The following NUP155 variants were observed in gnomAD, a reference collection of about 807,000 sequenced individuals.
NUP155 encodes nucleoporin 155.
NUP155 carries 71 observed loss-of-function variants against 180.4 expected under a neutral mutation model. The observed-to-expected ratio is 0.39, with a 90% CI of 0.33 to 0.48. The LOEUF is 0.48. Among genes scored for constraint, NUP155 ranks in the 20% least tolerant of loss-of-function variants. The pLI is 0.91. For synonymous variants in NUP155, 582 were observed against 559.5 expected, an observed-to-expected ratio of 1.04 and a Z score of -0.57; for missense variants, 1,553 against 1,648.9, an observed-to-expected ratio of 0.94 and a Z score of 1.01.
chr5:37,307,092 G>C (rs1383425704), intron 25 of NUP155, among the ~76,000 whole-genome samples: 1 of 151,524 alleles, frequency 6.6e-6, no homozygotes, highest in Non-Finnish European at 1.5e-5. Context: ...CAGCTACATG[G>C]GAGGCTGAGG....
At chr5:37,368,625 A>G (rs1235630362) in intron 1 of NUP155, among the ~76,000 whole-genome samples, 1 of 151,896 alleles carries the variant, frequency 6.6e-6, no homozygotes, top group Non-Finnish European at 1.5e-5. Context: ...ATCAAGACCA[A>G]CCTGGCCAAC....
In NUP155 at chr5:37,351,372, T is replaced by A. The variant is rs1746445699; in HGVS notation, c.557-16A>T. On this transcript the variant is annotated splice_polypyrimidine_tract_variant and intron_variant, in intron 5 of 34. Transcript: ENST00000231498. The stretch of plus-strand genomic sequence containing the variant: ...ACTCCAGAACCTATTTAAGAAAGAA[T>A]ACATAAATCAGTTTATTAGCTACTC... 1.3e-6 allele frequency: 2 copies of A among 1,590,230 alleles called. No individual in the cohort carries two copies. Among genetic ancestry groups the A allele is most frequent in the Non-Finnish European group, 1.7e-6 (2 of 1,159,428 alleles).
chr5:37,329,427 A>G lies in NUP155; in HGVS notation c.1725-149T>C, dbSNP rs1581168237. 3.6e-5 allele frequency: 24 copies of G among 662,514 alleles called. 1 individual carries two copies. The South Asian group carries it at 4.2e-4, about 12-fold the overall frequency. 41.0% of individuals were successfully genotyped at this position (662,514 alleles called of 1,614,324 possible). A position where few individuals can be genotyped will look rare whatever the true frequency, so the allele number is the denominator to read the frequency against. On this transcript the variant is annotated intron_variant, in intron 15 of 34. Transcript: ENST00000231498. ...ATTGTGCTGACAGTAAAGTATATGC[A>G]TAAGACTTATAATAAATATTTATTC...
At chr5:37,356,509 T>G (rs1746841248) in intron 4 of NUP155, among the ~76,000 whole-genome samples, 1 of 149,722 alleles carries the variant, frequency 6.7e-6, no homozygotes, top group Non-Finnish European at 1.5e-5. Flanking sequence ...CGTGGTGACA[T>G]GCGTTTATAA....
chr5:37,352,651 A>T lies in NUP155; in HGVS notation c.556+86T>A, dbSNP rs970329799. The T allele has an allele frequency of 4.7e-6, 4 of 843,690 alleles. No individual in the cohort carries two copies. The African/African-American group carries it at 6.7e-5, about 14-fold the overall frequency. The allele number at this position is 843,690 out of a possible 1,614,324, so 52.3% of individuals were successfully genotyped here. A position where few individuals can be genotyped will look rare whatever the true frequency, so the allele number is the denominator to read the frequency against. On this transcript the variant is annotated intron_variant, in intron 5 of 34. Transcript: ENST00000231498. ...TTAATGTGAGTCAATGGAATTCAAC[A>T]TTTCACCCAGATTAGCTTTTAACTG...
Position 37,341,328 on chromosome 5 carries a change from G to T in NUP155, c.1094-86C>A, listed in dbSNP as rs1032335862. On this transcript the variant is annotated intron_variant, in intron 10 of 34. Coordinates refer to ENST00000231498, the MANE Select transcript of NUP155 (RefSeq NM_153485.3). ...TATTGAAGCAATTACATACAGCAAT[G>T]CAACACTCTGCTAAAACCATACATA... is the stretch of plus-strand genomic sequence containing the variant. 1.4e-5 allele frequency: 15 copies of T among 1,063,138 alleles called. 1 individual carries two copies. In the East Asian group the frequency reaches 3.2e-4, roughly 23 times the overall value. The allele number at this position is 1,063,138 out of a possible 1,614,324, so 65.9% of individuals were successfully genotyped here.
chr5:37,370,483 T>G (rs1747888886), intron 1 of NUP155, among the ~76,000 whole-genome samples: 1 of 152,162 alleles, frequency 6.6e-6, no homozygotes, highest in African/African-American at 2.4e-5. Flanking sequence ...ACAGGAGAAA[T>G]GAACAAATTT....
At chr5:37,337,201 T>C (rs1388666731) in intron 12 of NUP155, among the ~76,000 whole-genome samples, 1 of 152,176 alleles carries the variant, frequency 6.6e-6, no homozygotes, top group East Asian at 1.9e-4. Flanking sequence ...GAAGACCATA[T>C]CCACTTCATG....
intron 4 of NUP155, among the ~76,000 whole-genome samples, chr5:37,353,534 A>T (rs74687699): frequency 0.21 from 31,275 of 152,034 alleles, 3,609 homozygotes; most frequent in African/African-American, 0.31. Flanking sequence ...GTGAGCCGAG[A>T]TCACGCCATT....
chr5:37,320,770 A>G (rs186215146), intron 20 of NUP155, among the ~76,000 whole-genome samples: 65 of 152,366 alleles, frequency 4.3e-4, no homozygotes, highest in African/African-American at 1.4e-3. Flanking sequence ...AAAACCAAAC[A>G]AACTAAAAAC....
rs139544649 is a variant in NUP155 at position 37,312,606 on chromosome 5, T to C, written c.2436+1592A>G. ...TTAAGACAGATTTTGCTATCAAATA[T>C]TGACAGTTAATATTGGTAACTATCC... On this transcript the variant is annotated intron_variant, in intron 22 of 34. Transcript: ENST00000231498. Among the ~76,000 whole-genome samples the C allele has an allele frequency of 5.5e-3, 839 of 152,332 alleles. 8 individuals carry two copies. The highest frequency in any genetic ancestry group is 0.024 in the Middle Eastern group (7 of 294).
Position 37,292,088 on chromosome 5 carries a change from C to T in NUP155, c.4038-50G>A, listed in dbSNP as rs930639471. On this transcript the variant is annotated intron_variant, in intron 34 of 34. Transcript: ENST00000231498. ...AATTATACATTTACAAACATTTCCT[C>T]CTGCAGGACTTCTTCCCCACCAACT... 25 of 1,586,678 alleles carry T rather than the reference C, an allele frequency of 1.6e-5. No homozygotes were observed. The Middle Eastern group carries it at 6.6e-4, about 42-fold the overall frequency.
rs1316739192 is a variant in NUP155, at chr5:37,303,374, G to A, written c.3203C>T (p.Ala1068Val). Residue 1068 changes from alanine (A) to valine (V), a missense_variant, in exon 28 of 35, where the codon GCC (alanine) becomes GTC (valine). Ala to Val is a moderately conservative substitution (Grantham distance 64). Coordinates refer to ENST00000231498, the MANE Select transcript of NUP155 (RefSeq NM_153485.3). ...ACGAACTCTGTTTTGATCAACTTTGGCCATTCGGACTAGATGTGGCTCCAG... is the reference window on the plus strand; with the variant it reads ...ACGAACTCTGTTTTGATCAACTTTGACCATTCGGACTAGATGTGGCTCCAG... ...PFLEPHLVRM[A>V]KVDQNRVRYM... 6.2e-7 allele frequency: 1 copy of A among 1,614,052 alleles called. No individual in the cohort carries two copies.
At chr5:37,302,201 C>T (rs938580510) in intron 29 of NUP155, among the ~76,000 whole-genome samples, 8 of 152,152 alleles carry the variant, frequency 5.3e-5, no homozygotes, top group Non-Finnish European at 8.8e-5. Context: ...AATCCACTTG[C>T]TGTTGAAACA....
rs146473381 is a variant in NUP155, at chr5:37,298,948, G to A, written c.3713C>T (p.Ser1238Leu). 5.0e-5 allele frequency: 80 copies of A among 1,611,958 alleles called. No homozygotes were observed. Among genetic ancestry groups the A allele is most frequent in the South Asian group, 8.8e-5 (8 of 91,038 alleles). ...GAGACTAAGAGCATGCATTCTATCCGAGGAGCTCAATGTCACACTGTCACT... is the reference window on the plus strand; with the variant it reads ...GAGACTAAGAGCATGCATTCTATCCAAGGAGCTCAATGTCACACTGTCACT... ...ELSDSVTLSS[S>L]DRMHALSLKI... The change falls in exon 32 of 35, where the codon TCG becomes TTG. Residue 1238 changes from serine (S) to leucine (L), a missense_variant. By Grantham distance (145) the Ser-to-Leu change is moderately radical (BLOSUM62 -2). Transcript: ENST00000231498.
intron 1 of NUP155, among the ~76,000 whole-genome samples, chr5:37,366,765 T>C (rs1747611566): frequency 6.6e-6 from 1 of 151,664 alleles, no homozygotes; most frequent in Non-Finnish European, 1.5e-5. Context: ...CATTCTTCTG[T>C]CTCAGCCTCC....
At chr5:37,302,099 T>A (rs537878947) in intron 29 of NUP155, among the ~76,000 whole-genome samples, 11 of 152,328 alleles carry the variant, frequency 7.2e-5, no homozygotes, top group African/African-American at 2.4e-4. Context: ...TGGACGATGG[T>A]ATGTTTTTGA....
chr5:37,364,101 C>T (rs1037668309), intron 2 of NUP155, 117 bp from the exon 3 acceptor site: 2 of 1,075,602 alleles, frequency 1.9e-6, no homozygotes, highest in Non-Finnish European at 2.8e-6. Flanking sequence ...CTCTTTAATA[C>T]AACATGGAAC....
In NUP155 at chr5:37,341,209, C is replaced by T; in HGVS notation, c.1127G>A (p.Arg376Lys). 1 of 1,614,028 alleles carries T rather than the reference C, an allele frequency of 6.2e-7. No individual in the cohort carries two copies. The highest frequency in any genetic ancestry group is 8.5e-7 in the Non-Finnish European group (1 of 1,179,914). ...TGTATTAGGCCGTGCTAATGGCTGT[C>T]TGAATGGACAAGTGCTAAAATATAA... is the stretch of plus-strand genomic sequence containing the variant. ...VRLYFSTCPF[R>K]QPLARPNTLT... Residue 376 changes from arginine to lysine, a missense_variant, in exon 11 of 35, where the codon AGA becomes AAA. Transcript: ENST00000231498.
Sources: allele counts gnomAD v4.1 joint callset (sites outside exome capture counted in the v4.1 genomes callset), GRCh38; gene constraint gnomAD v4.1.1; transcripts MANE v1.5; gene names NCBI Gene and HGNC (gene_info 2026-07-23, HGNC 2026-07-21).